The following CCBE1 variants were observed in gnomAD, a reference collection of about 807,000 sequenced individuals.
CCBE1 encodes the protein collagen and calcium binding EGF domains 1.
Under a neutral mutation model 50.0 loss-of-function variants are expected in CCBE1, and 37 were observed. The ratio of observed to expected loss-of-function variants is 0.74; its 90% CI spans 0.57 to 0.97. The LOEUF is 0.97. Among genes scored for constraint, CCBE1 ranks in the 50% least tolerant of loss-of-function variants. The pLI is 0.00. For missense variants in CCBE1, 538 were observed against 523.8 expected (o/e 1.03, Z -0.26); for synonymous variants, 234 against 203.7 (o/e 1.15, Z -1.27).
chr18:59,581,371 G>A (rs921760427), intron 2 of CCBE1, among the ~76,000 whole-genome samples: 5 of 151,412 alleles, frequency 3.3e-5, no homozygotes, highest in Non-Finnish European at 5.9e-5. Context: ...AACCTGGGAG[G>A]TGGAAATCTC....
chr18:59,487,428 T>C (rs1454082052), intron 2 of CCBE1, among the ~76,000 whole-genome samples: 1 of 152,082 alleles, frequency 6.6e-6, no homozygotes, highest in African/African-American at 2.4e-5. Context: ...GAGCTTTGCA[T>C]GACTTTGTGT....
At chr18:59,478,699 A>C (rs56359247) in intron 3 of CCBE1, among the ~76,000 whole-genome samples, 1 of 152,206 alleles carries the variant, frequency 6.6e-6, no homozygotes, top group Non-Finnish European at 1.5e-5. Context: ...TAGGTTGGGC[A>C]AGGTCTTTAG....
chr18:59,468,205 A>G (rs1911845536), intron 4 of CCBE1, among the ~76,000 whole-genome samples: 1 of 152,154 alleles, frequency 6.6e-6, no homozygotes, highest in African/African-American at 2.4e-5. Context: ...GCAACATAGT[A>G]AAATCCCATC....
At chr18:59,563,417 C>T (rs762180906) in intron 2 of CCBE1, among the ~76,000 whole-genome samples, 4 of 152,122 alleles carry the variant, frequency 2.6e-5, no homozygotes, top group South Asian at 2.1e-4. Flanking sequence ...AGGGTATTTA[C>T]GAAATTATAG....
At chr18:59,659,714 G>A (rs540962389) in intron 2 of CCBE1, among the ~76,000 whole-genome samples, 6 of 152,276 alleles carry the variant, frequency 3.9e-5, no homozygotes, top group South Asian at 2.1e-4. Context: ...CCAGTGACAC[G>A]TAGCTATGTC....
chr18:59,634,313 C>A (rs1287444655), intron 2 of CCBE1, among the ~76,000 whole-genome samples: 1 of 152,226 alleles, frequency 6.6e-6, no homozygotes, highest in African/African-American at 2.4e-5. Flanking sequence ...AGGCCTCCCC[C>A]ACTGTGAATC....
chr18:59,529,095 C>T lies in CCBE1; in HGVS notation c.213-48857G>A, dbSNP rs1160591232. ...GACTAAGTCTGCTGATCCACAAAGA[C>T]CACGGCTGTTCCTTCGCCCAGGGGC... On this transcript the variant is annotated intron_variant, in intron 2 of 10. Coordinates refer to ENST00000439986, the MANE Select transcript of CCBE1 (RefSeq NM_133459.4). Among the ~76,000 whole-genome samples, 9 of 152,366 alleles carry T rather than the reference C, an allele frequency of 5.9e-5. No individual in the cohort carries two copies. In the East Asian group the frequency reaches 1.7e-3, roughly 29 times the overall value.
At chr18:59,447,638 T>C (rs1910738292) in intron 7 of CCBE1, among the ~76,000 whole-genome samples, 1 of 151,970 alleles carries the variant, frequency 6.6e-6, no homozygotes, top group Admixed American at 6.6e-5. Flanking sequence ...GCAGGGGGGG[T>C]TCATAATACT....
At position 59,432,508 on chromosome 18, in the gene CCBE1, T is replaced by C. The variant is rs926351854; in HGVS notation, c.*3400A>G. 6.6e-6 allele frequency: 1 copy of C among 152,220 alleles called. No individual in the cohort carries two copies. The highest frequency in any genetic ancestry group is 2.4e-5 in the African/African-American group (1 of 41,462). The allele number at this position is 152,220 out of a possible 1,614,324, so 9.4% of individuals were successfully genotyped here. On this transcript the variant is annotated 3_prime_UTR_variant, in exon 11 of 11. Coordinates refer to ENST00000439986, the MANE Select transcript of CCBE1 (RefSeq NM_133459.4). ...AAGTCCTGTTTAGACAGTAAAGCTT[T>C]TTCTATCTAGTTAAAAGATACATTA...
At chr18:59,544,479 A>G (rs1391330219) in intron 2 of CCBE1, among the ~76,000 whole-genome samples, 2 of 152,202 alleles carry the variant, frequency 1.3e-5, no homozygotes, top group Non-Finnish European at 2.9e-5. Flanking sequence ...TTTTCAAACT[A>G]CATAAGATGT....
chr18:59,463,820 G>A (rs1326873427), intron 5 of CCBE1, among the ~76,000 whole-genome samples: 2 of 152,184 alleles, frequency 1.3e-5, no homozygotes, highest in Non-Finnish European at 2.9e-5. Context: ...CATATAAGTG[G>A]GATTTCACCT....
chr18:59,443,397 G>A (rs551621639), intron 7 of CCBE1, among the ~76,000 whole-genome samples: 67 of 152,242 alleles, frequency 4.4e-4, no homozygotes, highest in African/African-American at 1.6e-3. Context: ...CTGGGGGGAT[G>A]AGGGAAGAGA....
chr18:59,660,977 C>T (rs2054276187), intron 2 of CCBE1, among the ~76,000 whole-genome samples: 1 of 151,750 alleles, frequency 6.6e-6, no homozygotes, highest in South Asian at 2.1e-4. Flanking sequence ...CCCATGACTA[C>T]TCAATGATCA....
At chr18:59,644,256 A>C (rs752821138) in intron 2 of CCBE1, among the ~76,000 whole-genome samples, 2 of 152,322 alleles carry the variant, frequency 1.3e-5, no homozygotes, top group Non-Finnish European at 2.9e-5. Flanking sequence ...GAGCTCAGGC[A>C]ATAATGCTCC....
intron 2 of CCBE1, among the ~76,000 whole-genome samples, chr18:59,640,257 C>T (rs746845812): frequency 3.3e-5 from 5 of 152,168 alleles, no homozygotes; most frequent in Non-Finnish European, 5.9e-5. Context: ...GCAACCAAAA[C>T]AGCATGGTGC....
intron 2 of CCBE1, among the ~76,000 whole-genome samples, chr18:59,587,254 ACAAAATGTTAACACTC>A (rs2053191581): frequency 6.6e-6 from 1 of 152,232 alleles, no homozygotes; most frequent in Admixed American, 6.5e-5. Context: ...AAAATCCTAA[ACAAAATGTTAACACTC>A]CAAATCTAGC....
chr18:59,612,411 C>G (rs569855136), intron 2 of CCBE1, among the ~76,000 whole-genome samples: 1 of 151,930 alleles, frequency 6.6e-6, no homozygotes, highest in Non-Finnish European at 1.5e-5. Flanking sequence ...GCCCCAGCCT[C>G]CTGTCTTCCC....
At chr18:59,599,612 G>A (rs1301695427) in intron 2 of CCBE1, among the ~76,000 whole-genome samples, 1 of 152,142 alleles carries the variant, frequency 6.6e-6, no homozygotes, top group African/African-American at 2.4e-5. Context: ...ATGGCTAAGA[G>A]TACACAATTT....
chr18:59,692,220 A>G (rs2054742170), intron 2 of CCBE1, among the ~76,000 whole-genome samples: 1 of 152,248 alleles, frequency 6.6e-6, no homozygotes, highest in Non-Finnish European at 1.5e-5. Context: ...GGCAAGATGT[A>G]GTGATGACGA....
Sources: allele counts gnomAD v4.1 joint callset (sites outside exome capture counted in the v4.1 genomes callset), GRCh38; gene constraint gnomAD v4.1.1; transcripts MANE v1.5; gene names NCBI Gene and HGNC (gene_info 2026-07-23, HGNC 2026-07-21).